Variants in CYRIB observed in about 807,000 individuals in gnomAD.
CYRIB encodes CYFIP-related Rac1 interactor B.
A neutral mutation model predicts 44.2 loss-of-function variants in CYRIB; 8 were observed. That is an observed-to-expected ratio of 0.18 (90% CI 0.11 to 0.33). CYRIB has a LOEUF of 0.33. Ranked by LOEUF, CYRIB falls within the 10% of genes least tolerant of loss-of-function variation. CYRIB has a pLI of 1.00. For synonymous variants in CYRIB, 131 were observed against 127.2 expected, an observed-to-expected ratio of 1.03 and a Z score of -0.20; for missense variants, 185 against 382.8, an observed-to-expected ratio of 0.48 and a Z score of 4.31.
intron 3 of CYRIB, among the ~76,000 whole-genome samples, chr8:129,875,722 G>C (rs1348917869): frequency 6.6e-6 from 1 of 152,182 alleles, no homozygotes; most frequent in African/African-American, 2.4e-5. Context: ...TAAGGTCTCT[G>C]TCCATGTTGT....
chr8:129,974,353 G>A (rs570904889), intron 1 of CYRIB, among the ~76,000 whole-genome samples: 2 of 152,198 alleles, frequency 1.3e-5, no homozygotes, highest in East Asian at 1.9e-4. Flanking sequence ...TACCAGAAAC[G>A]TTGCTTATTT....
upstream of CYRIB, among the ~76,000 whole-genome samples, chr8:129,941,501 T>C (rs1386172722): frequency 1.3e-5 from 2 of 152,100 alleles, no homozygotes; most frequent in African/African-American, 4.8e-5. Flanking sequence ...CCCGAACTCC[T>C]GAGCTCAGGC....
intron 1 of CYRIB, among the ~76,000 whole-genome samples, chr8:129,911,524 G>A (rs942876035): frequency 2.6e-5 from 4 of 151,874 alleles, no homozygotes; most frequent in East Asian, 1.9e-4. Context: ...ACCCACGGCC[G>A]GACGCGGTGG....
At chr8:129,893,525 C>T (rs904279213) in intron 2 of CYRIB, among the ~76,000 whole-genome samples, 17 of 152,056 alleles carry the variant, frequency 1.1e-4, no homozygotes, top group Non-Finnish European at 2.9e-5. Flanking sequence ...GAAGTAATTC[C>T]AACATAAAGT....
chr8:129,936,257 A>G (rs978873535), intron 1 of CYRIB, among the ~76,000 whole-genome samples: 1 of 152,236 alleles, frequency 6.6e-6, no homozygotes, highest in Non-Finnish European at 1.5e-5. Flanking sequence ...TACTTGAACA[A>G]GTATACCTAA....
At chr8:129,868,545 A>G (rs1223255095) in intron 4 of CYRIB, 1 of 152,088 alleles carries the variant, frequency 6.6e-6, no homozygotes, top group Non-Finnish European at 1.5e-5. Context: ...ACTTTCTCAC[A>G]TCACCAATCA....
At chr8:129,901,681 A>G (rs1031647951) in intron 2 of CYRIB, 2 of 152,236 alleles carry the variant, frequency 1.3e-5, no homozygotes, top group African/African-American at 4.8e-5. Flanking sequence ...TAACCTCTAT[A>G]CAAAAATTAA....
At chr8:129,931,663 G>A (rs150005858) in intron 1 of CYRIB, among the ~76,000 whole-genome samples, 25 of 152,108 alleles carry the variant, frequency 1.6e-4, no homozygotes, top group Non-Finnish European at 2.5e-4. Context: ...GTCTCCCTCT[G>A]TCACCCAGGC....
At chr8:129,910,967 T>C (rs1293721288) in intron 1 of CYRIB, among the ~76,000 whole-genome samples, 2 of 152,348 alleles carry the variant, frequency 1.3e-5, no homozygotes, top group Middle Eastern at 3.4e-3. Flanking sequence ...CTCTCTCCCA[T>C]TGTTTTGTTA....
intron 1 of CYRIB, among the ~76,000 whole-genome samples, chr8:129,975,440 T>C (rs1453690050): frequency 6.6e-6 from 1 of 152,260 alleles, no homozygotes; most frequent in Non-Finnish European, 1.5e-5. Flanking sequence ...TATGTATGTA[T>C]TTCATTAAAA....
intron 1 of CYRIB, among the ~76,000 whole-genome samples, chr8:129,915,469 A>G (rs2080234861): frequency 6.6e-6 from 1 of 152,198 alleles, no homozygotes; most frequent in Admixed American, 6.5e-5. Flanking sequence ...GTTTCTAAAA[A>G]AATTAATTAA....
chr8:129,861,563 A>G (rs2049569934), intron 5 of CYRIB, among the ~76,000 whole-genome samples: 2 of 151,420 alleles, frequency 1.3e-5, no homozygotes, highest in African/African-American at 4.9e-5. Flanking sequence ...CTCAGCCTCC[A>G]GAGTAGATGA....
intron 1 of CYRIB, among the ~76,000 whole-genome samples, chr8:129,910,292 T>C (rs1015729721): frequency 8.5e-5 from 13 of 152,160 alleles, no homozygotes; most frequent in African/African-American, 2.2e-4. Flanking sequence ...TGTGAACACC[T>C]TGAATAATTA....
intron 1 of CYRIB, among the ~76,000 whole-genome samples, chr8:129,976,232 A>G (rs2095909999): frequency 6.6e-6 from 1 of 152,118 alleles, no homozygotes; most frequent in African/African-American, 2.4e-5. Flanking sequence ...TATGCCTATA[A>G]TCCTGTTCAA....
chr8:129,926,245 T>A (rs1474722269), intron 1 of CYRIB, among the ~76,000 whole-genome samples: 2 of 152,254 alleles, frequency 1.3e-5, no homozygotes, highest in African/African-American at 4.8e-5. Context: ...TGTCCCTTTA[T>A]GCCACTTAAA....
At chr8:129,872,012 G>A (rs1160229764) in intron 3 of CYRIB, among the ~76,000 whole-genome samples, 1 of 151,932 alleles carries the variant, frequency 6.6e-6, no homozygotes, top group Non-Finnish European at 1.5e-5. Context: ...ATAGTTTTTA[G>A]GTGCTCACCC....
intron 10 of CYRIB, 169 bp from the exon 13 acceptor site, chr8:129,847,043 T>C (rs2131226267): frequency 2.0e-6 from 1 of 499,500 alleles, no homozygotes; most frequent in East Asian, 3.5e-5. Flanking sequence ...AGAGTTATTA[T>C]TCTCACTTAG....
At chr8:130,013,441 G>A (rs186526618) in intron 1 of CYRIB, among the ~76,000 whole-genome samples, 5 of 152,308 alleles carry the variant, frequency 3.3e-5, no homozygotes, top group Non-Finnish European at 5.9e-5. Flanking sequence ...AGAGGGGGCC[G>A]AGAGTGTAGT....
intron 1 of CYRIB, among the ~76,000 whole-genome samples, chr8:129,994,613 T>C (rs2096726820): frequency 6.6e-6 from 1 of 152,156 alleles, no homozygotes; most frequent in African/African-American, 2.4e-5. Context: ...AGCTCCCCGT[T>C]TCACCATGTC....
Sources: gnomAD v4.1 joint callset for allele counts (sites outside exome capture counted in the v4.1 genomes callset) on GRCh38, gnomAD v4.1.1 for gene constraint, MANE v1.5 for transcripts, NCBI Gene and HGNC (gene_info 2026-07-23, HGNC 2026-07-21) for gene names.